The following ZFYVE16 variants were observed in gnomAD, a reference collection of about 807,000 sequenced individuals.
ZFYVE16 encodes the protein zinc finger FYVE domain-containing protein 16.
In ZFYVE16, 89 loss-of-function variants were observed where a neutral mutation model predicts 138.1. That is an observed-to-expected ratio of 0.64 (90% CI 0.54 to 0.77). The LOEUF is 0.77. Among genes scored for constraint, ZFYVE16 ranks in the 30% least tolerant of loss-of-function variants. ZFYVE16 has a pLI of 0.00. For synonymous variants in ZFYVE16, 596 were observed against 618.3 expected (o/e 0.96, Z 0.53); for missense variants, 1,793 against 1,786.7 (o/e 1.00, Z -0.06).
chr5:80,463,262 CT>C (rs1350638765), intron 15 of ZFYVE16, among the ~76,000 whole-genome samples: 1 of 152,234 alleles, frequency 6.6e-6, no homozygotes, highest in East Asian at 1.9e-4. Flanking sequence ...TCCGTACATC[CT>C]CTGAAATCTA....
At chr5:80,483,374 ACAT>A (rs369454034) in exon 19 of ZFYVE16, among the ~76,000 whole-genome samples, 1 of 152,194 alleles carries the variant, frequency 6.6e-6, no homozygotes, top group Non-Finnish European at 1.5e-5. Context: ...AAAAATTGTA[ACAT>A]CATCTTTTGG....
At chr5:80,470,148 C>G (rs1479375792) in intron 15 of ZFYVE16, among the ~76,000 whole-genome samples, 1 of 135,694 alleles carries the variant, frequency 7.4e-6, no homozygotes, top group African/African-American at 2.8e-5. Context: ...TTCACCCAGG[C>G]TGGAGTGCAG....
At chr5:80,425,528 A>G (rs966174398) in intron 1 of ZFYVE16, among the ~76,000 whole-genome samples, 1 of 152,210 alleles carries the variant, frequency 6.6e-6, no homozygotes, top group Non-Finnish European at 1.5e-5. Flanking sequence ...ACAAATTTGT[A>G]TAGTTTCATT....
chr5:80,464,023 G>A (rs1398778482), intron 15 of ZFYVE16, among the ~76,000 whole-genome samples: 3 of 152,150 alleles, frequency 2.0e-5, no homozygotes, highest in Non-Finnish European at 4.4e-5. Context: ...CATTCAACAA[G>A]TCTCTAGGAA....
At chr5:80,469,398 G>A (rs964304990) in intron 15 of ZFYVE16, among the ~76,000 whole-genome samples, 2 of 150,908 alleles carry the variant, frequency 1.3e-5, no homozygotes, top group Non-Finnish European at 2.9e-5. Flanking sequence ...ATGCCACCAT[G>A]CTTGGCTAAT....
rs565056285 is a variant in ZFYVE16, at chr5:80,412,869, C to T, written c.-94+4716C>T. On this transcript the variant is annotated intron_variant, in intron 1 of 18. Transcript: ENST00000505560. ...CCTGTACATAAACAGTCAAATAGTA[C>T]TTCAAGGATTATAATGAAAAACTGT... Among the ~76,000 whole-genome samples, 5 of 152,320 alleles carry T rather than the reference C, an allele frequency of 3.3e-5. No individual in the cohort carries two copies. In the South Asian group the frequency reaches 1.0e-3, roughly 32 times the overall value.
In ZFYVE16 at chr5:80,438,980, G is replaced by C. The variant is rs763987529; in HGVS notation, c.2295G>C (p.Arg765=). 6.2e-7 allele frequency: 1 copy of C among 1,612,218 alleles called. No individual in the cohort carries two copies. The highest frequency in any genetic ancestry group is 8.5e-7 in the Non-Finnish European group (1 of 1,178,864). Residue 765 remains arginine, a synonymous_variant, in exon 4 of 19, where the codon CGG becomes CGC. Transcript: ENST00000505560. Reference sequence around the variant, plus strand: ...AAGTCAAATTTACTTTTACCAAACGGCGACACCATTGCCGAGCATGTGGGA... The same window carrying C: ...AAGTCAAATTTACTTTTACCAAACGCCGACACCATTGCCGAGCATGTGGGA... ...NCQVKFTFTK[R]RHHCRACGKV... is the part of the protein sequence containing the mutation.
intron 14 of ZFYVE16, among the ~76,000 whole-genome samples, chr5:80,458,682 T>TACATGCCGTTTTGTAC (rs1246238911): frequency 1.3e-5 from 2 of 152,238 alleles, no homozygotes; most frequent in African/African-American, 4.8e-5. Context: ...TAGTTTTGTA[T>TACATGCCGTTTTGTAC]ACATGCCGTT....
rs1752607640 is a variant in ZFYVE16 at position 80,457,155 on chromosome 5, A to C, written c.3943+63A>C. On this transcript the variant is annotated intron_variant, in intron 14 of 18. Coordinates refer to ENST00000505560, the MANE Select transcript of ZFYVE16 (RefSeq NM_001284236.3). ...ACCTCAATTAATAGAATTCCTTTCAAAGGGGAAATATATGTATATTTACTT... is the reference window on the plus strand; with the variant it reads ...ACCTCAATTAATAGAATTCCTTTCACAGGGGAAATATATGTATATTTACTT... 3.2e-6 allele frequency: 5 copies of C among 1,572,172 alleles called. No individual in the cohort carries two copies. The Admixed American group carries it at 9.8e-5, about 31-fold the overall frequency.
In ZFYVE16 at chr5:80,437,608, A is replaced by G. The variant is rs1750119558; in HGVS notation, c.923A>G (p.Lys308Arg). ...KTSALTCSLPKNEDLCLNDSN... is the reference protein window; with the variant it reads ...KTSALTCSLPRNEDLCLNDSN... ...AGTGCTTTGACCTGCAGCCTTCCGA[A>G]AAATGAAGATTTATGCTTAAATGAT... Residue 308 changes from lysine (K) to arginine (R), a missense_variant, in exon 4 of 19, where the codon AAA (lysine) becomes AGA (arginine). Around this residue, in one of 2 missense-constraint regions of ZFYVE16, gnomAD observed 1,295 missense variants for 1,204.3 expected, o/e 1.08. Transcript: ENST00000505560. The G allele has an allele frequency of 6.2e-7, 1 of 1,612,798 alleles. No individual in the cohort carries two copies. Among genetic ancestry groups the G allele is most frequent in the Non-Finnish European group, 8.5e-7 (1 of 1,179,656 alleles).
At chr5:80,440,648 G>C in intron 5 of ZFYVE16, 1 of 953,128 alleles carries the variant, frequency 1.0e-6, no homozygotes, top group Non-Finnish European at 1.2e-6. Context: ...TGGTCTTTGA[G>C]TTCTCACAGG....
At chr5:80,416,834 T>C (rs1331575696) in intron 1 of ZFYVE16, among the ~76,000 whole-genome samples, 3 of 152,146 alleles carry the variant, frequency 2.0e-5, no homozygotes, top group African/African-American at 7.2e-5. Flanking sequence ...ATCTGGGTGC[T>C]AAGTATGTTC....
intron 1 of ZFYVE16, among the ~76,000 whole-genome samples, chr5:80,412,183 TG>T (rs1193807960): frequency 1.3e-5 from 2 of 152,196 alleles, no homozygotes; most frequent in Non-Finnish European, 2.9e-5. Flanking sequence ...CCATTTTAGG[TG>T]TCTCCTTACT....
At chr5:80,435,300 T>C (rs1749729786) in intron 3 of ZFYVE16, among the ~76,000 whole-genome samples, 2 of 152,190 alleles carry the variant, frequency 1.3e-5, no homozygotes, top group South Asian at 4.1e-4. Flanking sequence ...CCCAAAGTGC[T>C]GGGATTACAG....
At chr5:80,453,445 C>T (rs1752189052) in intron 11 of ZFYVE16, among the ~76,000 whole-genome samples, 1 of 152,028 alleles carries the variant, frequency 6.6e-6, no homozygotes, top group Non-Finnish European at 1.5e-5. Context: ...AGTATTTTGG[C>T]CAGTAGTACT....
intron 3 of ZFYVE16, 82 bp downstream of exon 3, chr5:80,434,299 G>T (rs931352319): frequency 7.1e-7 from 1 of 1,413,298 alleles, no homozygotes; most frequent in Non-Finnish European, 9.8e-7. Flanking sequence ...AGTAATATTA[G>T]CAAAATTTTC....
Position 80,434,167 on chromosome 5 carries a change from C to T in ZFYVE16, c.20C>T (p.Ala7Val). MDSYFK[A>V]AVSDLDKLLD... ...GGTAGGATGGACAGTTATTTTAAAGCAGCTGTCAGTGACTTGGACAAACTC... is the reference window on the plus strand; with the variant it reads ...GGTAGGATGGACAGTTATTTTAAAGTAGCTGTCAGTGACTTGGACAAACTC... The change falls in exon 3 of 19, where the codon GCA becomes GTA. Residue 7 changes from alanine (A) to valine (V), a missense_variant. By Grantham distance (64) the Ala-to-Val change is moderately conservative. This residue lies in a region of ZFYVE16 where 1,295 missense variants were observed against 1,204.3 expected (regional missense o/e 1.08). Coordinates refer to ENST00000505560, the MANE Select transcript of ZFYVE16 (RefSeq NM_001284236.3). 1 of 1,613,148 alleles carries T rather than the reference C, an allele frequency of 6.2e-7. No individual in the cohort carries two copies. The highest frequency in any genetic ancestry group is 8.5e-7 in the Non-Finnish European group (1 of 1,179,424).
intron 15 of ZFYVE16, among the ~76,000 whole-genome samples, chr5:80,466,012 A>G (rs1753714614): frequency 1.3e-5 from 2 of 150,216 alleles, no homozygotes; most frequent in African/African-American, 4.9e-5. Flanking sequence ...TGCAACCTCC[A>G]CCTCCTGGGT....
chr5:80,439,088 A>G, intron 4 of ZFYVE16, 81 bp downstream of exon 4: 2 of 1,321,700 alleles, frequency 1.5e-6, no homozygotes, highest in South Asian at 1.5e-5. Flanking sequence ...AGGCTGATGA[A>G]CAGATAATTA....
Sources: allele counts gnomAD v4.1 joint callset (sites outside exome capture counted in the v4.1 genomes callset), GRCh38; gene constraint gnomAD v4.1.1; regional missense constraint gnomAD v4.1.1; transcripts MANE v1.5; gene names NCBI Gene and HGNC (gene_info 2026-07-23, HGNC 2026-07-21).